The following XPO6 variants were observed in gnomAD, a reference collection of about 807,000 sequenced individuals.
XPO6 encodes exportin 6.
XPO6 carries 3 observed loss-of-function variants against 130.0 expected under a neutral mutation model. That is an observed-to-expected ratio of 0.02 (90% confidence interval 0.01 to 0.06). The LOEUF (loss-of-function observed/expected upper bound fraction) is 0.06, where lower values mean the gene tolerates loss of function less well. XPO6 is among the 10% of genes least tolerant of loss of function. The probability of loss-of-function intolerance (pLI) is 1.00; values close to 1 mark genes in which losing one functional copy is unlikely to be tolerated. For missense variants in XPO6, 970 were observed against 1,393.0 expected (o/e 0.70, Z 4.83); for synonymous variants, 524 against 548.9 (o/e 0.95, Z 0.63).
At chr16:28,135,833 A>G (rs1321332895) in intron 9 of XPO6, among the ~76,000 whole-genome samples, 1 of 152,100 alleles carries the variant, frequency 6.6e-6, no homozygotes, top group East Asian at 1.9e-4. Flanking sequence ...GGAAGGCCTC[A>G]TTTTTGCCAT....
chr16:28,138,711 G>A (rs1423210082), intron 9 of XPO6, among the ~76,000 whole-genome samples: 1 of 152,104 alleles, frequency 6.6e-6, no homozygotes, highest in Non-Finnish European at 1.5e-5. Flanking sequence ...AGCAGCTACT[G>A]GGTGGGACTT....
intron 1 of XPO6, among the ~76,000 whole-genome samples, chr16:28,203,205 G>A (rs2043978237): frequency 6.6e-6 from 1 of 151,206 alleles, no homozygotes; most frequent in African/African-American, 2.4e-5. Flanking sequence ...AGCCCCAGGA[G>A]ATAGAGGCTG....
At chr16:28,153,188 A>G (rs954805104) in intron 7 of XPO6, 6 of 998,708 alleles carry the variant, frequency 6.0e-6, no homozygotes, top group African/African-American at 5.2e-5. Flanking sequence ...GAATGGTGCT[A>G]AAGACACAAA....
At chr16:28,167,303 A>G (rs1365728173) in intron 5 of XPO6, 1 of 985,244 alleles carries the variant, frequency 1.0e-6, no homozygotes, top group Non-Finnish European at 1.2e-6. Flanking sequence ...TTCGTTCCCC[A>G]CAAACCTGCC....
rs2086645217 is a variant in XPO6, at chr16:28,101,059, G to A, written c.3276+399C>T. On this transcript the variant is annotated intron_variant, in intron 23 of 23. Transcript: ENST00000304658. The surrounding 1 kb of genome is among the most constrained non-coding windows in gnomAD (Gnocchi z 5.4). ...CCTCTAACCCTGGGGACCCAGAAGTGCAGCTCCCAAGCACCAACCATCTCA... is the reference window on the plus strand; with the variant it reads ...CCTCTAACCCTGGGGACCCAGAAGTACAGCTCCCAAGCACCAACCATCTCA... 1 of 305,670 alleles carries A rather than the reference G, an allele frequency of 3.3e-6. No individual in the cohort carries two copies. The highest frequency in any genetic ancestry group is 6.4e-6 in the Non-Finnish European group (1 of 156,150). The allele number at this position is 305,670 out of a possible 1,614,324, so 18.9% of individuals were successfully genotyped here.
intron 5 of XPO6, among the ~76,000 whole-genome samples, chr16:28,169,485 TC>T (rs2043415359): frequency 6.6e-6 from 1 of 152,214 alleles, no homozygotes; most frequent in Non-Finnish European, 1.5e-5. Context: ...GTAGGTATAC[TC>T]CTATGACCTG....
intron 6 of XPO6, among the ~76,000 whole-genome samples, chr16:28,160,857 T>C (rs2043267381): frequency 6.6e-6 from 1 of 152,248 alleles, no homozygotes; most frequent in African/African-American, 2.4e-5. Flanking sequence ...TACAAAGCCA[T>C]CATGTTAGCA....
At chr16:28,185,273 T>G (rs1026848698) in intron 1 of XPO6, among the ~76,000 whole-genome samples, 1 of 152,080 alleles carries the variant, frequency 6.6e-6, no homozygotes, top group Non-Finnish European at 1.5e-5. Context: ...GGCAAGAGGA[T>G]CACTCGAGCC....
intron 6 of XPO6, among the ~76,000 whole-genome samples, chr16:28,162,982 C>G (rs1223214938): frequency 6.6e-6 from 1 of 152,202 alleles, no homozygotes; most frequent in Non-Finnish European, 1.5e-5. Flanking sequence ...CTAGATCATT[C>G]TTTGGTCTGC....
chr16:28,105,085 T>C (rs2086743750), intron 20 of XPO6, among the ~76,000 whole-genome samples: 1 of 152,244 alleles, frequency 6.6e-6, no homozygotes. Flanking sequence ...CTATTCGACC[T>C]GTCAGATCTT....
chr16:28,155,317 CATAAT>C (rs1215603147), intron 7 of XPO6, among the ~76,000 whole-genome samples: 2 of 152,092 alleles, frequency 1.3e-5, no homozygotes, highest in East Asian at 1.9e-4. Context: ...TCTGATTGTT[CATAAT>C]ATAAGTTTCC....
intron 1 of XPO6, among the ~76,000 whole-genome samples, chr16:28,204,307 C>A (rs564020776): frequency 6.6e-6 from 1 of 152,070 alleles, no homozygotes; most frequent in South Asian, 2.1e-4. Context: ...ATGTCAGGGA[C>A]TGGAAGTGCT....
chr16:28,164,652 C>T (rs969726298), intron 6 of XPO6, among the ~76,000 whole-genome samples: 9 of 152,172 alleles, frequency 5.9e-5, no homozygotes, highest in African/African-American at 2.2e-4. Flanking sequence ...AAGCAAATGT[C>T]AAGTTAGTTC....
chr16:28,158,483 A>C (rs1415430040), intron 6 of XPO6, among the ~76,000 whole-genome samples: 1 of 152,202 alleles, frequency 6.6e-6, no homozygotes, highest in Non-Finnish European at 1.5e-5. Context: ...AAATATAGTT[A>C]TTTTTTATTA....
chr16:28,180,279 C>T (rs913854043), intron 2 of XPO6, among the ~76,000 whole-genome samples: 2 of 152,158 alleles, frequency 1.3e-5, no homozygotes, highest in Admixed American at 6.5e-5. Flanking sequence ...ACAGGAGAAT[C>T]GCTTGAACCC....
chr16:28,155,850 A>C (rs1047074174), intron 7 of XPO6: 2 of 1,197,386 alleles, frequency 1.7e-6, no homozygotes, highest in Non-Finnish European at 2.2e-6. Context: ...AAAGACAACA[A>C]ACCTACACAA....
intron 9 of XPO6, among the ~76,000 whole-genome samples, chr16:28,139,034 T>C (rs1296254530): frequency 6.6e-6 from 1 of 152,188 alleles, no homozygotes; most frequent in Non-Finnish European, 1.5e-5. Context: ...ATGGTCTGAA[T>C]TGTGCGACTC....
chr16:28,121,532 C>G, intron 14 of XPO6, 138 bp downstream of exon 14: 1 of 719,680 alleles, frequency 1.4e-6, no homozygotes, highest in Non-Finnish European at 2.4e-6. Context: ...AAATCTCTCT[C>G]TCTTTCTAGG....
chr16:28,141,821 G>A (rs565779214), intron 9 of XPO6, among the ~76,000 whole-genome samples: 5 of 152,296 alleles, frequency 3.3e-5, no homozygotes, highest in East Asian at 1.9e-4. Flanking sequence ...TTAGCCGGGC[G>A]TGGTGGCGGG....
Sources: gnomAD v4.1 joint callset for allele counts (sites outside exome capture counted in the v4.1 genomes callset) on GRCh38, gnomAD v4.1.1 for gene constraint, Gnocchi (gnomAD v3.1) non-coding constraint, MANE v1.5 for transcripts, NCBI Gene and HGNC (gene_info 2026-07-23, HGNC 2026-07-21) for gene names.